EXOC7: variants seen among roughly 807,000 people sequenced by gnomAD.
EXOC7 encodes exocyst complex component 7, also known as exocyst complex component Exo70.
A neutral mutation model predicts 87.6 loss-of-function variants in EXOC7; 51 were observed. That is an observed-to-expected ratio of 0.58 (90% CI 0.46 to 0.73). The LOEUF is 0.73. Ranked by LOEUF, EXOC7 falls within the 30% of genes least tolerant of loss-of-function variation. The pLI is 0.00. For missense variants in EXOC7, 744 were observed against 888.4 expected, an observed-to-expected ratio of 0.84 and a Z score of 2.07; for synonymous variants, 327 against 357.1, an observed-to-expected ratio of 0.92 and a Z score of 0.95.
chr17:76,103,492 C>A (rs1216561405), intron 1 of EXOC7, 66 bp from the exon 2 acceptor site: 1 of 1,551,254 alleles, frequency 6.4e-7, no homozygotes, highest in Non-Finnish European at 8.7e-7. Context: ...TGCGTCCCAA[C>A]CCCACGGCCT....
chr17:76,091,443 C>T (rs1025569836), intron 6 of EXOC7: 15 of 567,950 alleles, frequency 2.6e-5, no homozygotes, highest in African/African-American at 9.5e-5. Flanking sequence ...ATTCTACTAC[C>T]GACCCTCCTT....
chr17:76,099,737 T>C (rs1283904654), intron 4 of EXOC7, among the ~76,000 whole-genome samples: 1 of 152,164 alleles, frequency 6.6e-6, no homozygotes, highest in African/African-American at 2.4e-5. Context: ...AGAAAATAGA[T>C]TTGTGATTTC....
intron 5 of EXOC7, among the ~76,000 whole-genome samples, chr17:76,095,038 G>A (rs1042443917): frequency 1.3e-5 from 2 of 152,014 alleles, no homozygotes; most frequent in South Asian, 2.1e-4. Context: ...TTGGCTCACC[G>A]CAAACTCTGC....
At chr17:76,085,496 T>C (rs41282075) in intron 14 of EXOC7, 87 bp from the exon 15 acceptor site, 57,063 of 1,506,226 alleles carry the variant, frequency 0.038, 1,216 homozygotes, top group Non-Finnish European at 0.045. Flanking sequence ...GGGCCTCCCA[T>C]TGCACCCCAA....
At chr17:76,102,628 A>T (rs1236846825) in intron 2 of EXOC7, among the ~76,000 whole-genome samples, 2 of 152,222 alleles carry the variant, frequency 1.3e-5, no homozygotes, top group East Asian at 1.9e-4. Flanking sequence ...TTTAAAAATT[A>T]AAATTTTTAG....
At chr17:76,085,550 G>C (rs910958599) in intron 14 of EXOC7, 127 bp downstream of exon 14, 9 of 1,535,106 alleles carry the variant, frequency 5.9e-6, no homozygotes, top group Non-Finnish European at 7.2e-6. Context: ...GTCCTGGGGT[G>C]GAGGAGACTG....
At chr17:76,098,776 G>T (rs1234112108) in intron 4 of EXOC7, among the ~76,000 whole-genome samples, 1 of 150,790 alleles carries the variant, frequency 6.6e-6, no homozygotes, top group African/African-American at 2.4e-5. Context: ...TGAGGCAGGA[G>T]AAAGGTGTGA....
chr17:76,086,706 G>A (rs1005272200), intron 12 of EXOC7: 7 of 668,708 alleles, frequency 1.0e-5, no homozygotes, highest in Admixed American at 2.6e-5. Flanking sequence ...TGGCCTTGAA[G>A]GGAGCAGAGA....
At chr17:76,102,908 G>A (rs1367655819) in intron 2 of EXOC7, among the ~76,000 whole-genome samples, 2 of 152,080 alleles carry the variant, frequency 1.3e-5, no homozygotes, top group Admixed American at 6.6e-5. Flanking sequence ...TAAGCAGAAG[G>A]GCAAGGACTA....
intron 5 of EXOC7, among the ~76,000 whole-genome samples, chr17:76,096,814 C>T (rs937619321): frequency 6.6e-6 from 1 of 152,070 alleles, no homozygotes; most frequent in Non-Finnish European, 1.5e-5. Flanking sequence ...CCTTGGCCCC[C>T]CAAAGTGCTG....
At chr17:76,103,590 C>T (rs1286715347) in intron 1 of EXOC7, 43 bp downstream of exon 1, 6 of 1,610,238 alleles carry the variant, frequency 3.7e-6, no homozygotes, top group Non-Finnish European at 4.2e-6. Context: ...CTGTTGGCCC[C>T]TTTCCCTCAC....
Position 76,090,529 on chromosome 17 carries a change from T to A in EXOC7, c.901+614A>T, listed in dbSNP as rs147791824. ...TCAGATGGGGATGGGGAAGGGGGCA[T>A]CGGAGAGGGCCCTGAGCCCCTCCTC... On this transcript the variant is annotated intron_variant, in intron 7 of 18. Transcript: ENST00000589210. 2.5e-3 allele frequency: 3,791 copies of A among 1,531,010 alleles called. 46 individuals are homozygous for A. The African/African-American group carries it at 0.038, about 15-fold the overall frequency. 94.8% of individuals were successfully genotyped at this position (1,531,010 alleles called of 1,614,324 possible).
rs2067650867 is a variant in EXOC7, at chr17:76,094,454, C to T, written c.768G>A (p.Lys256=). ...GVPYSPAIPN[K]RKDTPTKKPV... is the part of the protein sequence containing the mutation. ...GCTTCTTGGTAGGTGTGTCTTTCCT[C>T]TTGTTGGGGATAGCAGGGGAGTAGG... Residue 256 remains lysine, a synonymous_variant, in exon 6 of 19, where the codon AAG becomes AAA. Transcript: ENST00000589210. The T allele has an allele frequency of 3.1e-6, 5 of 1,613,980 alleles. No homozygotes were observed. Among genetic ancestry groups the T allele is most frequent in the South Asian group, 1.1e-5 (1 of 91,074 alleles).
chr17:76,081,972 G>A lies in EXOC7; in HGVS notation c.*1676C>T, dbSNP rs1420391847. 6.2e-7 allele frequency: 1 copy of A among 1,612,668 alleles called. No homozygotes were observed. The highest frequency in any genetic ancestry group is 8.5e-7 in the Non-Finnish European group (1 of 1,179,812). ...GGGCTGCTGGCCCGGGGCAACCTTGGGGCCAAGAGCGGCCCCAGCCCAGCC... is the reference window on the plus strand; with the variant it reads ...GGGCTGCTGGCCCGGGGCAACCTTGAGGCCAAGAGCGGCCCCAGCCCAGCC... On this transcript the variant is annotated 3_prime_UTR_variant, in exon 19 of 19. Transcript: ENST00000589210.
Position 76,082,877 on chromosome 17 carries a change from A to T in EXOC7, c.*771T>A. On this transcript the variant is annotated 3_prime_UTR_variant, in exon 19 of 19. Transcript: ENST00000589210. ...GCCCTATTTTTTGCTTCCAACCCCCATTTTGCTCCTTAACTTTTCCCCATT... is the reference window on the plus strand; with the variant it reads ...GCCCTATTTTTTGCTTCCAACCCCCTTTTTGCTCCTTAACTTTTCCCCATT... 1 of 399,776 alleles carries T rather than the reference A, an allele frequency of 2.5e-6. No homozygotes were observed. The highest frequency in any genetic ancestry group is 3.9e-5 in the East Asian group (1 of 25,556). The allele number at this position is 399,776 out of a possible 1,614,324, so 24.8% of individuals were successfully genotyped here.
chr17:76,086,115 G>A lies in EXOC7; in HGVS notation c.1460C>T (p.Ser487Phe). 1 of 1,613,936 alleles carries A rather than the reference G, an allele frequency of 6.2e-7. No individual in the cohort carries two copies. The highest frequency in any genetic ancestry group is 8.5e-7 in the Non-Finnish European group (1 of 1,180,040). ...GCTTAGCAGCCGCTTGCTGAACTCA[G>A]AGCTGTAGCTGGTGGCCGAAGAGCT... Reference protein sequence around the residue: ...ETSSSATSYSSEFSKRLLSTY... With the variant: ...ETSSSATSYSFEFSKRLLSTY... The change falls in exon 13 of 19, where the codon TCT (serine) becomes TTT (phenylalanine). Residue 487 changes from serine (S) to phenylalanine (F), a missense_variant. Coordinates refer to ENST00000589210, the MANE Select transcript of EXOC7 (RefSeq NM_001013839.4).
In EXOC7 at chr17:76,082,965, G is replaced by A; in HGVS notation, c.*683C>T. 1 of 239,864 alleles carries A rather than the reference G, an allele frequency of 4.2e-6. No individual in the cohort carries two copies. The highest frequency in any genetic ancestry group is 9.5e-5 in the East Asian group (1 of 10,580). The allele number at this position is 239,864 out of a possible 1,614,324, so 14.9% of individuals were successfully genotyped here. A position where few individuals can be genotyped will look rare whatever the true frequency, so the allele number is the denominator to read the frequency against. ...GCTCCTTCTGCAACCACGACTGCCT[G>A]GCCCTGGGCCAAGAGGCACTGAGGC... is the stretch of plus-strand genomic sequence containing the variant. On this transcript the variant is annotated 3_prime_UTR_variant, in exon 19 of 19. Transcript: ENST00000589210.
In EXOC7 at chr17:76,083,479, A is replaced by G. The variant is rs1861731261; in HGVS notation, c.*169T>C. 3.1e-6 allele frequency: 2 copies of G among 643,710 alleles called. No individual in the cohort carries two copies. The allele number at this position is 643,710 out of a possible 1,614,324, so 39.9% of individuals were successfully genotyped here. A position where few individuals can be genotyped will look rare whatever the true frequency, so the allele number is the denominator to read the frequency against. The stretch of plus-strand genomic sequence containing the variant: ...GGCTGGGAACACGGGCTGTGGGGAA[A>G]AAGCAGGAGCCAGGACTAGGGGGCT... On this transcript the variant is annotated 3_prime_UTR_variant, in exon 19 of 19. Transcript: ENST00000589210.
At chr17:76,100,352 G>A (rs2067997096) in intron 4 of EXOC7, among the ~76,000 whole-genome samples, 1 of 151,986 alleles carries the variant, frequency 6.6e-6, no homozygotes. Flanking sequence ...TTTTGGCCAG[G>A]CACGGTGGCT....
Sources: gnomAD v4.1 joint callset for allele counts (sites outside exome capture counted in the v4.1 genomes callset) on GRCh38, gnomAD v4.1.1 for gene constraint, MANE v1.5 for transcripts, NCBI Gene and HGNC (gene_info 2026-07-23, HGNC 2026-07-21) for gene names.